Variants in KRT37 observed in about 807,000 individuals in gnomAD.
The protein encoded by KRT37 is keratin 37.
A neutral mutation model predicts 41.9 loss-of-function variants in KRT37; 38 were observed. The ratio of observed to expected loss-of-function variants is 0.91; its 90% CI spans 0.70 to 1.19. The LOEUF (loss-of-function observed/expected upper bound fraction) is 1.19, where lower values mean the gene tolerates loss of function less well. Among genes scored for constraint, KRT37 ranks in the 50% most tolerant of loss-of-function variants. The probability of loss-of-function intolerance (pLI) is 0.00; values close to 1 mark genes in which losing one functional copy is unlikely to be tolerated. For synonymous variants in KRT37, 252 were observed against 243.4 expected (o/e 1.04, Z -0.33); for missense variants, 580 against 575.5 (o/e 1.01, Z -0.08).
intron 6 of KRT37, 36 bp downstream of exon 6, chr17:41,421,331 T>C: frequency 1.2e-6 from 2 of 1,602,110 alleles, no homozygotes; most frequent in Non-Finnish European, 1.7e-6. Context: ...CTGACAGTCA[T>C]GTGTGTGGCT....
chr17:41,423,660 A>G, intron 2 of KRT37, 102 bp downstream of exon 2: 1 of 1,032,144 alleles, frequency 9.7e-7, no homozygotes, highest in Non-Finnish European at 1.5e-6. Context: ...CTTCTAGTCA[A>G]AAACTGTTTT....
rs2018531440 is a variant in KRT37 at position 41,420,961 on chromosome 17, G to A, written c.1267C>T (p.Pro423Ser). 6.2e-7 allele frequency: 1 copy of A among 1,613,960 alleles called. No individual in the cohort carries two copies. The highest frequency in any genetic ancestry group is 1.1e-5 in the South Asian group (1 of 91,014). Reference protein sequence around the residue: ...CKLPCNPCSTPASCTSCPSCG... With the variant: ...CKLPCNPCSTSASCTSCPSCG... ...CTTGGACAAGAAGTACAGGAGGCAG[G>A]CGTGGAACAGGGATTGCAGGGGAGT... is the stretch of plus-strand genomic sequence containing the variant. The change falls in exon 7 of 7, where the codon CCT becomes TCT. Residue 423 changes from proline (P) to serine (S), a missense_variant. Coordinates refer to ENST00000225550, the MANE Select transcript of KRT37 (RefSeq NM_003770.5).
rs139023343 is a variant in KRT37, at chr17:41,420,628, A to G, written c.*250T>C. 1.6e-5 allele frequency: 7 copies of G among 436,272 alleles called. No individual in the cohort carries two copies. The highest frequency in any genetic ancestry group is 1.4e-4 in the African/African-American group (7 of 50,204). 27.0% of individuals were successfully genotyped at this position (436,272 alleles called of 1,614,324 possible). A position where few individuals can be genotyped will look rare whatever the true frequency, so the allele number is the denominator to read the frequency against. On this transcript the variant is annotated 3_prime_UTR_variant, in exon 7 of 7. Coordinates refer to ENST00000225550, the MANE Select transcript of KRT37 (RefSeq NM_003770.5). The stretch of plus-strand genomic sequence containing the variant: ...TGGAGATTCTGAAACACTGGAATAG[A>G]ACTAAAAGTACCAAGAAGAGACACC...
intron 6 of KRT37, 54 bp downstream of exon 6, chr17:41,421,313 G>A: frequency 3.2e-6 from 5 of 1,574,838 alleles, no homozygotes; most frequent in Non-Finnish European, 4.4e-6. Context: ...TTACCTCTGA[G>A]GAATTGCCTG....
At chr17:41,423,529 C>T in intron 2 of KRT37, 1 of 491,336 alleles carries the variant, frequency 2.0e-6, no homozygotes, top group East Asian at 3.1e-5. Context: ...GAGAAAGTGA[C>T]ATAGGTTCTA....
In KRT37 at chr17:41,422,922, C is replaced by T; in HGVS notation, c.588G>A (p.Glu196=). ...ADDFRIKLES[E]RSLHQLVEAD... The stretch of plus-strand genomic sequence containing the variant: ...CCTCCACCAGCTGGTGAAGGGAGCG[C>T]TCACTCTCCAGCCTTCCGTCACAGG... Residue 196 remains glutamate (E), a synonymous_variant, in exon 3 of 7, where the codon GAG becomes GAA. Coordinates refer to ENST00000225550, the MANE Select transcript of KRT37 (RefSeq NM_003770.5). 6.2e-7 allele frequency: 1 copy of T among 1,613,598 alleles called. No individual in the cohort carries two copies. The highest frequency in any genetic ancestry group is 8.5e-7 in the Non-Finnish European group (1 of 1,179,720).
In KRT37 at chr17:41,420,946, A is replaced by C. The variant is rs747987133; in HGVS notation, c.1282T>G (p.Ser428Ala). 6.2e-7 allele frequency: 1 copy of C among 1,614,092 alleles called. No homozygotes were observed. The highest frequency in any genetic ancestry group is 8.5e-7 in the Non-Finnish European group (1 of 1,179,980). ...GTGACAGGGCCACAGCTTGGACAAG[A>C]AGTACAGGAGGCAGGCGTGGAACAG... ...NPCSTPASCT[S>A]CPSCGPVTGG... Residue 428 changes from serine (S) to alanine (A), a missense_variant, in exon 7 of 7, where the codon TCT becomes GCT. Transcript: ENST00000225550.
intron 2 of KRT37, 120 bp downstream of exon 2, chr17:41,423,642 G>C: frequency 2.5e-6 from 2 of 798,604 alleles, no homozygotes; most frequent in Non-Finnish European, 2.0e-6. Flanking sequence ...GGTGTGGAGA[G>C]AAATATTCTT....
chr17:41,424,111 T>C lies in KRT37; in HGVS notation c.413A>G (p.Glu138Gly). The change falls in exon 1 of 7, where the codon GAG becomes GGG. Residue 138 changes from glutamate to glycine, a missense_variant. Coordinates refer to ENST00000225550, the MANE Select transcript of KRT37 (RefSeq NM_003770.5). ...GGTGGACTCGTGGCACTTGCTCCTC[T>C]CGAGGAGTGTGGTCTCCAGCTCTGC... ...ENAELETTLL[E>G]RSKCHESTVC... The C allele has an allele frequency of 6.2e-7, 1 of 1,614,234 alleles. No homozygotes were observed. Among genetic ancestry groups the C allele is most frequent in the South Asian group, 1.1e-5 (1 of 91,080 alleles).
intron 6 of KRT37, 71 bp from the exon 7 acceptor site, chr17:41,421,057 G>A (rs573544230): frequency 1.0e-5 from 13 of 1,248,642 alleles, no homozygotes; most frequent in Non-Finnish European, 1.2e-5. Flanking sequence ...TAAGATCAGG[G>A]TGAAGGCTGG....
In KRT37 at chr17:41,422,293, C is replaced by T. The variant is rs375550552; in HGVS notation, c.874G>A (p.Glu292Lys). The change falls in exon 4 of 7, where the codon GAA becomes AAA. Residue 292 changes from glutamate to lysine, a missense_variant. Physicochemically the swap from Glu to Lys is moderately conservative, Grantham distance 56 (BLOSUM62 1). Transcript: ENST00000225550. Reference sequence around the variant, plus strand: ...CTCACCTGGGCTTGGAACCACTGTTCCACATCCTGGTGGTTGGTCTCCACC... The same window carrying T: ...CTCACCTGGGCTTGGAACCACTGTTTCACATCCTGGTGGTTGGTCTCCACC... ...AMVETNHQDV[E>K]QWFQAQSEGI... The T allele has an allele frequency of 1.1e-5, 17 of 1,614,046 alleles. No homozygotes were observed. Among genetic ancestry groups the T allele is most frequent in the Middle Eastern group, 1.6e-4 (1 of 6,084 alleles).
intron 6 of KRT37, 105 bp from the exon 7 acceptor site, chr17:41,421,091 G>T (rs540547703): frequency 3.4e-6 from 3 of 876,146 alleles, no homozygotes; most frequent in African/African-American, 1.6e-5. Flanking sequence ...AAGGCACACA[G>T]ACCAGAGAAT....
Position 41,421,355 on chromosome 17 carries a change from G to C in KRT37, c.1241+12C>G, listed in dbSNP as rs374930195. On this transcript the variant is annotated intron_variant, in intron 6 of 6. Coordinates refer to ENST00000225550, the MANE Select transcript of KRT37 (RefSeq NM_003770.5). ...ATGTGTGTGGCTTAGGAATTGCCCA[G>C]ATCACACGTACTTGCAGTCCTCGCT... 2 of 1,613,708 alleles carry C rather than the reference G, an allele frequency of 1.2e-6. No homozygotes were observed. The highest frequency in any genetic ancestry group is 8.5e-7 in the Non-Finnish European group (1 of 1,179,684).
At chr17:41,423,944 C>T in intron 1 of KRT37, 88 bp downstream of exon 1, 5 of 1,604,182 alleles carry the variant, frequency 3.1e-6, no homozygotes, top group Non-Finnish European at 4.3e-6. Context: ...AACCAAGAAC[C>T]CAAAGCTCTC....
In KRT37 at chr17:41,422,211, C is replaced by T. The variant is rs2144396910; in HGVS notation, c.895-17G>A. On this transcript the variant is annotated splice_polypyrimidine_tract_variant and intron_variant, in intron 4 of 6. Transcript: ENST00000225550. The stretch of plus-strand genomic sequence containing the variant: ...GCCTTCAGACTGGAGCACAGAGAAA[C>T]ACAGTCACCTCCCTGCTCAGATGGA... 5 of 1,614,120 alleles carry T rather than the reference C, an allele frequency of 3.1e-6. No homozygotes were observed. The highest frequency in any genetic ancestry group is 4.2e-6 in the Non-Finnish European group (5 of 1,180,002).
At chr17:41,423,741 A>T (rs373873385) in intron 2 of KRT37, 21 bp downstream of exon 2, 21 of 1,609,718 alleles carry the variant, frequency 1.3e-5, no homozygotes, top group Non-Finnish European at 1.7e-5. Flanking sequence ...AGTCACACTG[A>T]CCCTCCTCAT....
At chr17:41,422,718 C>A in intron 3 of KRT37, 60 bp downstream of exon 3, 1 of 1,426,132 alleles carries the variant, frequency 7.0e-7, no homozygotes, top group Non-Finnish European at 9.4e-7. Context: ...GCCCCAGGGC[C>A]GGGGAGCTCC....
chr17:41,423,319 T>C, intron 2 of KRT37: 1 of 254,852 alleles, frequency 3.9e-6, no homozygotes. Flanking sequence ...ATTCATTATT[T>C]CTCGTTGTTT....
chr17:41,421,991 T>A (rs775779211), intron 5 of KRT37, 78 bp downstream of exon 5: 1 of 1,605,750 alleles, frequency 6.2e-7, no homozygotes, highest in East Asian at 2.2e-5. Flanking sequence ...AGGAACTGAT[T>A]TGTGAGACTT....
Sources: allele counts gnomAD v4.1 joint callset, GRCh38; gene constraint gnomAD v4.1.1; transcripts MANE v1.5; gene names NCBI Gene and HGNC (gene_info 2026-07-23, HGNC 2026-07-21).